SQSTM1: variants seen among roughly 807,000 people sequenced by gnomAD.
The protein encoded by SQSTM1 is sequestosome-1.
SQSTM1 carries 36 observed loss-of-function variants against 45.1 expected under a neutral mutation model. The ratio of observed to expected loss-of-function variants is 0.80; its 90% CI spans 0.61 to 1.05. SQSTM1 has a LOEUF of 1.05. Among genes scored for constraint, SQSTM1 ranks in the 50% least tolerant of loss-of-function variants. SQSTM1 has a pLI of 0.00. For missense variants in SQSTM1, 617 were observed against 607.1 expected (o/e 1.02, Z -0.17); for synonymous variants, 290 against 244.3 (o/e 1.19, Z -1.74).
chr5:179,831,785 A>G (rs1243333515), intron 5 of SQSTM1, among the ~76,000 whole-genome samples: 4 of 124,286 alleles, frequency 3.2e-5, no homozygotes, highest in African/African-American at 1.2e-4. Flanking sequence ...GAAACATTGA[A>G]TGTTCTTTTT....
intron 1 of SQSTM1, among the ~76,000 whole-genome samples, chr5:179,810,228 C>T (rs534414020): frequency 6.6e-6 from 1 of 152,076 alleles, no homozygotes; most frequent in Non-Finnish European, 1.5e-5. Flanking sequence ...ATTAACTCAT[C>T]ATTTACATTA....
chr5:179,836,279 G>A (rs905419663), intron 7 of SQSTM1, 157 bp from the exon 8 acceptor site: 5 of 940,646 alleles, frequency 5.3e-6, no homozygotes, highest in Non-Finnish European at 8.5e-6. Flanking sequence ...CCTTTACAGG[G>A]AAAGCAGGTC....
upstream of SQSTM1, among the ~76,000 whole-genome samples, chr5:179,818,588 T>G (rs1757653373): frequency 6.6e-6 from 1 of 152,146 alleles, no homozygotes. Flanking sequence ...CCGGCTGGTC[T>G]CCTGGGACCA....
At chr5:179,808,592 C>T (rs1009531270) in intron 1 of SQSTM1, among the ~76,000 whole-genome samples, 3 of 151,332 alleles carry the variant, frequency 2.0e-5, no homozygotes, top group Admixed American at 6.6e-5. Flanking sequence ...CCGAGGCAGG[C>T]GAATCACGAG....
intron 5 of SQSTM1, among the ~76,000 whole-genome samples, chr5:179,831,387 T>C (rs191676416): frequency 1.1e-4 from 16 of 152,238 alleles, no homozygotes; most frequent in East Asian, 7.7e-4. Flanking sequence ...GCAGGCTGGG[T>C]GCAGTGGCTC....
upstream of SQSTM1, chr5:179,820,827 G>A: frequency 1.8e-6 from 2 of 1,099,090 alleles, no homozygotes; most frequent in Admixed American, 3.9e-5. Context: ...CGGGGAGGGC[G>A]CGAGAGACTC....
At chr5:179,820,848 G>A (rs1757744723), upstream of SQSTM1, 2 of 1,263,682 alleles carry the variant, frequency 1.6e-6, no homozygotes, top group Non-Finnish European at 1.0e-6. Context: ...CGCCCCTCTC[G>A]AGGCGGGGCG....
chr5:179,824,118 G>GGCAC, intron 3 of SQSTM1, 31 bp downstream of exon 3: 1 of 1,613,658 alleles, frequency 6.2e-7, no homozygotes, highest in Non-Finnish European at 8.5e-7. Flanking sequence ...GGCCTGGGGT[G>GGCAC]GGCTCAGGGT....
chr5:179,821,024 G>T lies in SQSTM1; in HGVS notation c.88G>T (p.Glu30Ter). ...IRRFSFCCSP[E>*]PEAEAEAAAG... Reference sequence around the variant, plus strand: ...CCGCTTCAGCTTCTGCTGCAGCCCCGAGCCTGAGGCGGAAGCCGAGGCTGC... The same window carrying T: ...CCGCTTCAGCTTCTGCTGCAGCCCCTAGCCTGAGGCGGAAGCCGAGGCTGC... Residue 30 changes from glutamate to a stop codon, truncating the protein, a stop_gained, in exon 1 of 8, where the codon GAG (glutamate) becomes TAG (stop). Transcript: ENST00000389805. LOFTEE classifies it high-confidence loss of function. 6.4e-7 allele frequency: 1 copy of T among 1,563,506 alleles called. No homozygotes were observed.
Position 179,836,596 on chromosome 5 carries a change from A to C in SQSTM1, c.*3A>C, listed in dbSNP as rs757166561. The stretch of plus-strand genomic sequence containing the variant: ...CAAAGCATCCCCCGCCGTTGTGACC[A>C]CTTTTGCCCACCTCTTCTGCGTGCC... On this transcript the variant is annotated 3_prime_UTR_variant, in exon 8 of 8. Transcript: ENST00000389805. The C allele has an allele frequency of 2.5e-6, 4 of 1,614,002 alleles. No individual in the cohort carries two copies. Among genetic ancestry groups the C allele is most frequent in the South Asian group, 2.2e-5 (2 of 91,076 alleles).
At chr5:179,809,307 C>T (rs1490199855) in intron 1 of SQSTM1, among the ~76,000 whole-genome samples, 111 of 146,104 alleles carry the variant, frequency 7.6e-4, no homozygotes, top group Middle Eastern at 3.7e-3. Flanking sequence ...TATAGGCGCC[C>T]GCCACCACGC....
chr5:179,814,604 A>G (rs1757525967), upstream of SQSTM1, among the ~76,000 whole-genome samples: 1 of 152,238 alleles, frequency 6.6e-6, no homozygotes, highest in Admixed American at 6.5e-5. Flanking sequence ...TGGAAATCAA[A>G]GGCTTTCTTG....
In SQSTM1 at chr5:179,820,975, G is replaced by A. The variant is rs1007964808; in HGVS notation, c.39G>A (p.Lys13=). The A allele has an allele frequency of 1.3e-6, 2 of 1,575,306 alleles. No homozygotes were observed. Among genetic ancestry groups the A allele is most frequent in the Non-Finnish European group, 8.5e-7 (1 of 1,169,620 alleles). ...SLTVKAYLLG[K]EDAAREIRRF... is the part of the protein sequence containing the mutation. Reference sequence around the variant, plus strand: ...CCGTGAAGGCCTACCTTCTGGGCAAGGAGGACGCGGCGCGCGAGATTCGCC... The same window carrying A: ...CCGTGAAGGCCTACCTTCTGGGCAAAGAGGACGCGGCGCGCGAGATTCGCC... Residue 13 remains lysine (K), a synonymous_variant, in exon 1 of 8, where the codon AAG becomes AAA. Coordinates refer to ENST00000389805, the MANE Select transcript of SQSTM1 (RefSeq NM_003900.5).
chr5:179,834,515 C>T (rs1758417726), intron 7 of SQSTM1, among the ~76,000 whole-genome samples: 1 of 151,904 alleles, frequency 6.6e-6, no homozygotes, highest in Admixed American at 6.5e-5. Context: ...AGCAGATAAA[C>T]AAGTGAACAA....
chr5:179,825,395 G>GA (rs1757950355), intron 5 of SQSTM1, among the ~76,000 whole-genome samples, 169 bp downstream of exon 5: 1 of 152,214 alleles, frequency 6.6e-6, no homozygotes, highest in African/African-American at 2.4e-5. Context: ...ACTCAAGGTT[G>GA]AATTCCCTGA....
chr5:179,828,950 C>T (rs1192520799), intron 5 of SQSTM1, among the ~76,000 whole-genome samples: 1 of 151,938 alleles, frequency 6.6e-6, no homozygotes, highest in African/African-American at 2.4e-5. Flanking sequence ...TGTGCCAGAA[C>T]AGGGCATCCT....
At chr5:179,823,095 T>C in intron 2 of SQSTM1, 42 bp downstream of exon 2, 1 of 1,565,154 alleles carries the variant, frequency 6.4e-7, no homozygotes, top group African/African-American at 1.4e-5. Context: ...CAGCTCAGCT[T>C]GTACTCAGTT....
At chr5:179,811,228 G>A (rs62406227) in intron 1 of SQSTM1, among the ~76,000 whole-genome samples, 31,573 of 150,258 alleles carry the variant, frequency 0.21, 4,121 homozygotes, top group Non-Finnish European at 0.29. Context: ...GCGAGACTCC[G>A]TCTCAAAAAA....
intron 5 of SQSTM1, among the ~76,000 whole-genome samples, chr5:179,828,010 G>A (rs948056029): frequency 6.6e-5 from 10 of 152,200 alleles, no homozygotes; most frequent in African/African-American, 1.9e-4. Flanking sequence ...TACAGGCCCC[G>A]AAGCCACAGG....
Sources: allele counts gnomAD v4.1 joint callset (sites outside exome capture counted in the v4.1 genomes callset), GRCh38; gene constraint gnomAD v4.1.1; transcripts MANE v1.5; gene names NCBI Gene and HGNC (gene_info 2026-07-23, HGNC 2026-07-21).